ERP44: variants seen among roughly 807,000 people sequenced by gnomAD.
ERP44 encodes the protein endoplasmic reticulum resident protein 44.
A neutral mutation model predicts 53.4 loss-of-function variants in ERP44; 25 were observed. That is an observed-to-expected ratio of 0.47 (90% confidence interval 0.34 to 0.65). The LOEUF is 0.65. ERP44 is among the 30% of genes least tolerant of loss of function. The probability of loss-of-function intolerance (pLI) is 0.01; values close to 1 mark genes in which losing one functional copy is unlikely to be tolerated. For synonymous variants in ERP44, 145 were observed against 161.2 expected, an observed-to-expected ratio of 0.90 and a Z score of 0.76; for missense variants, 338 against 493.2, an observed-to-expected ratio of 0.69 and a Z score of 2.98.
At chr9:100,068,380 TG>T (rs1218224298) in intron 1 of ERP44, among the ~76,000 whole-genome samples, 8 of 88,496 alleles carry the variant, frequency 9.0e-5, no homozygotes, top group Admixed American at 8.8e-4. Context: ...GGGAGGGAGG[TG>T]GGGGGGTCAG....
chr9:100,068,387 G>T (rs1826253964), intron 1 of ERP44, among the ~76,000 whole-genome samples: 1 of 126,804 alleles, frequency 7.9e-6, no homozygotes, highest in Non-Finnish European at 1.7e-5. Context: ...AGGTGGGGGG[G>T]TCAGCCCCCT....
intron 1 of ERP44, among the ~76,000 whole-genome samples, chr9:100,062,576 A>G (rs1826163546): frequency 6.6e-6 from 1 of 152,220 alleles, no homozygotes; most frequent in South Asian, 2.1e-4. Context: ...TCTACTAGGT[A>G]CTGAGGGCAC....
intron 10 of ERP44, among the ~76,000 whole-genome samples, chr9:99,992,432 T>C (rs540460227): frequency 5.3e-5 from 8 of 152,132 alleles, no homozygotes; most frequent in Non-Finnish European, 1.0e-4. Flanking sequence ...ATTATCTCAA[T>C]AGATGCAGAA....
At chr9:100,072,359 G>A (rs1180396279) in intron 1 of ERP44, among the ~76,000 whole-genome samples, 1 of 152,034 alleles carries the variant, frequency 6.6e-6, no homozygotes, top group Non-Finnish European at 1.5e-5. Flanking sequence ...TGAGATGGAG[G>A]TACAGAAAGA....
intron 1 of ERP44, among the ~76,000 whole-genome samples, chr9:100,092,682 AAAG>A (rs1210189694): frequency 2.0e-5 from 3 of 152,226 alleles, no homozygotes; most frequent in African/African-American, 7.2e-5. Flanking sequence ...CATTTTTTGA[AAAG>A]AAGACACATA....
At chr9:100,052,624 T>A in intron 3 of ERP44, 92 bp from the exon 4 acceptor site, 47 of 558,356 alleles carry the variant, frequency 8.4e-5, no homozygotes, top group Non-Finnish European at 8.6e-5. Context: ...GATATAGGCA[T>A]AATAAACGAC....
chr9:100,072,774 G>A (rs1826320164), intron 1 of ERP44, among the ~76,000 whole-genome samples: 1 of 152,082 alleles, frequency 6.6e-6, no homozygotes, highest in South Asian at 2.1e-4. Flanking sequence ...TGCCCACTCT[G>A]CCTCTCGAAG....
intron 10 of ERP44, among the ~76,000 whole-genome samples, chr9:99,987,577 C>G (rs576027837): frequency 1.1e-3 from 167 of 152,284 alleles, no homozygotes; most frequent in African/African-American, 3.8e-3. Context: ...GCAGAATTCA[C>G]TTTTTTAGGC....
At chr9:100,012,003 T>C (rs1830480895) in intron 8 of ERP44, among the ~76,000 whole-genome samples, 1 of 152,200 alleles carries the variant, frequency 6.6e-6, no homozygotes, top group South Asian at 2.1e-4. Flanking sequence ...TTTTGGATTT[T>C]GGAGCATTTC....
At chr9:100,006,484 A>T (rs1436645502) in intron 10 of ERP44, 22 bp downstream of exon 10, 1 of 1,569,194 alleles carries the variant, frequency 6.4e-7, no homozygotes, top group South Asian at 1.2e-5. Context: ...AGTAATTTTT[A>T]AAAAACAAAA....
chr9:100,029,914 C>T (rs1345777136), intron 4 of ERP44, among the ~76,000 whole-genome samples: 1 of 152,010 alleles, frequency 6.6e-6, no homozygotes, highest in East Asian at 1.9e-4. Flanking sequence ...ATGGCGAAAC[C>T]CCGTCTCTAC....
intron 4 of ERP44, among the ~76,000 whole-genome samples, chr9:100,031,675 A>G (rs1434446617): frequency 6.6e-6 from 1 of 152,210 alleles, no homozygotes; most frequent in Non-Finnish European, 1.5e-5. Flanking sequence ...TAAGAAATTT[A>G]AAAGAACTGT....
chr9:100,033,572 A>C (rs1440261314), intron 4 of ERP44, among the ~76,000 whole-genome samples: 1 of 152,240 alleles, frequency 6.6e-6, no homozygotes, highest in Non-Finnish European at 1.5e-5. Context: ...TTCTTGCTGC[A>C]CTTTATACAA....
intron 8 of ERP44, among the ~76,000 whole-genome samples, chr9:100,014,730 A>G (rs2118643768): frequency 6.6e-6 from 1 of 152,364 alleles, no homozygotes; most frequent in African/African-American, 2.4e-5. Context: ...TTGTGCTACA[A>G]CTGCAAAGCT....
chr9:100,033,933 T>A (rs1825820668), intron 4 of ERP44, among the ~76,000 whole-genome samples: 1 of 152,236 alleles, frequency 6.6e-6, no homozygotes, highest in Non-Finnish European at 1.5e-5. Context: ...AGAATATGGA[T>A]CTTTGTCCCT....
At chr9:99,990,116 C>T (rs1406652014) in intron 10 of ERP44, among the ~76,000 whole-genome samples, 1 of 152,144 alleles carries the variant, frequency 6.6e-6, no homozygotes, top group Non-Finnish European at 1.5e-5. Context: ...TCCAGGAGAA[C>T]TTCCCAAACC....
chr9:100,089,770 T>C (rs997603374), intron 1 of ERP44, among the ~76,000 whole-genome samples: 1 of 152,120 alleles, frequency 6.6e-6, no homozygotes, highest in African/African-American at 2.4e-5. Flanking sequence ...TTAGTTACTA[T>C]TGTTGATCTC....
chr9:100,043,291 A>AAAAAAAAAACAAAAG (rs1168903331), intron 4 of ERP44, among the ~76,000 whole-genome samples: 1 of 74,878 alleles, frequency 1.3e-5, no homozygotes, highest in Non-Finnish European at 2.3e-5. Flanking sequence ...AAAAAAAAAA[A>AAAAAAAAAACAAAAG]GATAAATAAG....
At chr9:100,052,341 G>T in intron 4 of ERP44, 76 bp downstream of exon 4, 4 of 657,934 alleles carry the variant, frequency 6.1e-6, no homozygotes, top group Non-Finnish European at 9.7e-6. Flanking sequence ...GAAAAGAAAA[G>T]AAAAGAAAAA....
Sources: gnomAD v4.1 joint callset for allele counts (sites outside exome capture counted in the v4.1 genomes callset) on GRCh38, gnomAD v4.1.1 for gene constraint, MANE v1.5 for transcripts, NCBI Gene and HGNC (gene_info 2026-07-23, HGNC 2026-07-21) for gene names.